The following CHAF1A variants were observed in gnomAD, a reference collection of about 807,000 sequenced individuals.
CHAF1A encodes chromatin assembly factor 1 subunit A, also known as CAF-1 subunit A.
CHAF1A carries 5 observed loss-of-function variants against 93.2 expected under a neutral mutation model. The observed-to-expected ratio is 0.05, with a 90% CI of 0.03 to 0.11. The LOEUF (loss-of-function observed/expected upper bound fraction) is 0.11, where lower values mean the gene tolerates loss of function less well. Ranked by LOEUF, CHAF1A falls within the 10% of genes least tolerant of loss-of-function variation. The probability of loss-of-function intolerance (pLI) is 1.00; values close to 1 mark genes in which losing one functional copy is unlikely to be tolerated. For synonymous variants in CHAF1A, 504 were observed against 510.3 expected, an observed-to-expected ratio of 0.99 and a Z score of 0.17; for missense variants, 1,102 against 1,259.9, an observed-to-expected ratio of 0.87 and a Z score of 1.90.
At chr19:4,403,356 G>T (rs1568427354) in intron 1 of CHAF1A, among the ~76,000 whole-genome samples, 1 of 152,184 alleles carries the variant, frequency 6.6e-6, no homozygotes. Context: ...TTCCTCCTCC[G>T]TGTGCCTTGG....
At chr19:4,447,500 A>G (rs1199126927), downstream of CHAF1A, 8 of 1,603,376 alleles carry the variant, frequency 5.0e-6, no homozygotes, top group Non-Finnish European at 6.0e-6. Flanking sequence ...CCTGCAGGCC[A>G]GCTGCCCCCA....
chr19:4,411,642 A>ATTTTTTTTTTTTTTTTTTTTTTTT (rs1202069647), intron 3 of CHAF1A, among the ~76,000 whole-genome samples: 3 of 38,060 alleles, frequency 7.9e-5, no homozygotes, highest in Non-Finnish European at 1.2e-4. Context: ...AATGGTGCAA[A>ATTTTTTTTTTTTTTTTTTTTTTTT]TCTTTTTTTT....
chr19:4,444,399 A>T (rs1974457474), downstream of CHAF1A: 2 of 152,284 alleles, frequency 1.3e-5, no homozygotes, highest in East Asian at 3.8e-4. Context: ...GCAAGTCACC[A>T]TCTCACAGCT....
intron 13 of CHAF1A, among the ~76,000 whole-genome samples, chr19:4,437,934 G>A (rs1035017881): frequency 6.6e-6 from 1 of 151,976 alleles, no homozygotes; most frequent in African/African-American, 2.4e-5. Flanking sequence ...GTAGAGACGG[G>A]GTTTCACTGT....
At chr19:4,414,246 C>CA (rs1212583431) in intron 3 of CHAF1A, among the ~76,000 whole-genome samples, 1 of 151,982 alleles carries the variant, frequency 6.6e-6, no homozygotes, top group Middle Eastern at 3.4e-3. Context: ...ACAAAAAATA[C>CA]AAAAAATAGC....
At chr19:4,419,840 A>G (rs1020016223) in intron 4 of CHAF1A, among the ~76,000 whole-genome samples, 1 of 152,170 alleles carries the variant, frequency 6.6e-6, no homozygotes, top group African/African-American at 2.4e-5. Context: ...AAAGTATCCA[A>G]CGGCGGCTGA....
intron 13 of CHAF1A, among the ~76,000 whole-genome samples, chr19:4,435,702 C>T (rs1310828924): frequency 5.3e-5 from 8 of 152,098 alleles, no homozygotes; most frequent in Non-Finnish European, 7.4e-5. Flanking sequence ...CTACACTTAA[C>T]GCAGACCTAT....
chr19:4,413,768 TTTG>T (rs559257438), intron 3 of CHAF1A, among the ~76,000 whole-genome samples: 266 of 152,324 alleles, frequency 1.7e-3, no homozygotes, highest in African/African-American at 6.1e-3. Context: ...TGTTTTGGTT[TTTG>T]TTGTTGTTTT....
At chr19:4,444,577 C>G (rs897442815), downstream of CHAF1A, 1 of 152,610 alleles carries the variant, frequency 6.6e-6, no homozygotes, top group African/African-American at 2.4e-5. Context: ...CTCTCTGATT[C>G]ACCCTCCTGC....
chr19:4,444,900 A>G (rs1373979391), downstream of CHAF1A: 1 of 153,382 alleles, frequency 6.5e-6, no homozygotes, highest in East Asian at 1.9e-4. Context: ...ACAGGTATCC[A>G]CATGGTCCCA....
At chr19:4,431,524 G>T (rs1974182522) in intron 11 of CHAF1A, among the ~76,000 whole-genome samples, 1 of 152,122 alleles carries the variant, frequency 6.6e-6, no homozygotes, top group African/African-American at 2.4e-5. Context: ...CTCATGGTTG[G>T]ACTGGAGGCC....
downstream of CHAF1A, chr19:4,446,270 C>T (rs774165477): frequency 5.1e-6 from 8 of 1,568,868 alleles, no homozygotes; most frequent in African/African-American, 6.7e-5. Flanking sequence ...CCACGGGCAT[C>T]GTTGGTGCCC....
chr19:4,413,082 A>AT (rs1030271903), intron 3 of CHAF1A, among the ~76,000 whole-genome samples: 2 of 150,724 alleles, frequency 1.3e-5, no homozygotes, highest in East Asian at 1.9e-4. Flanking sequence ...TTTATTTTTT[A>AT]TTTTTTTTGA....
chr19:4,432,215 T>G lies in CHAF1A; in HGVS notation c.2203+8T>G. On this transcript the variant is annotated splice_region_variant and intron_variant, in intron 12 of 14. Coordinates refer to ENST00000301280, the MANE Select transcript of CHAF1A (RefSeq NM_005483.3). ...AGAGGAGAGACGAGCAGAGTGAGTG[T>G]GGGCGGGGCCAGGCCACCCACCTGT... The G allele has an allele frequency of 6.3e-7, 1 of 1,594,104 alleles. No individual in the cohort carries two copies. The highest frequency in any genetic ancestry group is 8.6e-7 in the Non-Finnish European group (1 of 1,168,116).
intron 4 of CHAF1A, among the ~76,000 whole-genome samples, chr19:4,419,951 A>G (rs1973961523): frequency 6.6e-6 from 1 of 152,168 alleles, no homozygotes; most frequent in African/African-American, 2.4e-5. Context: ...CTCCTTGTTC[A>G]GTCCAGACGG....
At chr19:4,448,693 C>T (rs77562484), downstream of CHAF1A, 204 of 480,732 alleles carry the variant, frequency 4.2e-4, 1 homozygote, top group Middle Eastern at 2.9e-3. Flanking sequence ...CAGTGTGACG[C>T]GACAGAACTG....
intron 6 of CHAF1A, 81 bp from the exon 7 acceptor site, chr19:4,423,725 T>A: frequency 7.2e-7 from 1 of 1,379,708 alleles, no homozygotes. Flanking sequence ...GACGTTCGGT[T>A]CTGGGGGCCT....
intron 6 of CHAF1A, 34 bp downstream of exon 6, chr19:4,423,429 G>T (rs1481471566): frequency 6.2e-7 from 1 of 1,611,876 alleles, no homozygotes. Context: ...CCCCGTCCCA[G>T]CCCGTTGGAG....
chr19:4,429,992 C>G, intron 10 of CHAF1A: 1 of 543,680 alleles, frequency 1.8e-6, no homozygotes, highest in Non-Finnish European at 3.3e-6. Flanking sequence ...GACACTCGCC[C>G]ACGTGGCTGC....
Sources: gnomAD v4.1 joint callset for allele counts (sites outside exome capture counted in the v4.1 genomes callset) on GRCh38, gnomAD v4.1.1 for gene constraint, MANE v1.5 for transcripts, NCBI Gene and HGNC (gene_info 2026-07-23, HGNC 2026-07-21) for gene names.